FIGN: variants seen among roughly 807,000 people sequenced by gnomAD.
The protein encoded by FIGN is fidgetin.
Under a neutral mutation model 51.3 loss-of-function variants are expected in FIGN, and 11 were observed. The observed-to-expected ratio is 0.21, with a 90% CI of 0.13 to 0.35. The LOEUF is 0.35. Ranked by LOEUF, FIGN falls within the 10% of genes least tolerant of loss-of-function variation. The pLI, the probability that FIGN is intolerant of heterozygous loss-of-function variation, is 1.00. For missense variants in FIGN, 857 were observed against 943.6 expected (o/e 0.91, Z 1.20); for synonymous variants, 407 against 363.2 (o/e 1.12, Z -1.37).
intron 2 of FIGN, among the ~76,000 whole-genome samples, chr2:163,726,346 T>C (rs1237048295): frequency 6.6e-6 from 1 of 152,086 alleles, no homozygotes; most frequent in African/African-American, 2.4e-5. Flanking sequence ...GCAGGGGGGA[T>C]AAGACCCACA....
At chr2:163,640,857 T>C (rs1445329621) in intron 2 of FIGN, among the ~76,000 whole-genome samples, 1 of 152,226 alleles carries the variant, frequency 6.6e-6, no homozygotes, top group East Asian at 1.9e-4. Context: ...CTATGAATCC[T>C]GGCCCTTTGA....
chr2:163,683,447 C>T (rs1684097154), intron 2 of FIGN, among the ~76,000 whole-genome samples: 1 of 152,110 alleles, frequency 6.6e-6, no homozygotes, highest in South Asian at 2.1e-4. Flanking sequence ...GCTATAAAGG[C>T]CTGGGCTAGG....
intron 2 of FIGN, among the ~76,000 whole-genome samples, chr2:163,725,037 A>G (rs1684818417): frequency 6.6e-6 from 1 of 152,110 alleles, no homozygotes; most frequent in African/African-American, 2.4e-5. Context: ...CTTTGCCTCA[A>G]TGACTTTCTC....
intron 2 of FIGN, among the ~76,000 whole-genome samples, chr2:163,649,673 T>A (rs1381030266): frequency 6.6e-6 from 1 of 152,128 alleles, no homozygotes; most frequent in African/African-American, 2.4e-5. Context: ...AGGCAAATAA[T>A]CATGAGAAAT....
chr2:163,691,926 C>G (rs1271548643), intron 2 of FIGN, among the ~76,000 whole-genome samples: 1 of 152,126 alleles, frequency 6.6e-6, no homozygotes, highest in Admixed American at 6.6e-5. Context: ...AGGATTCTCT[C>G]CAAGAAGTGA....
intron 2 of FIGN, among the ~76,000 whole-genome samples, chr2:163,715,029 A>G (rs1369459657): frequency 6.6e-6 from 1 of 152,232 alleles, no homozygotes; most frequent in Non-Finnish European, 1.5e-5. Flanking sequence ...AACAACAATA[A>G]ACAAACAAAA....
chr2:163,617,835 T>A (rs957843192), intron 2 of FIGN, among the ~76,000 whole-genome samples: 10 of 152,182 alleles, frequency 6.6e-5, no homozygotes, highest in African/African-American at 2.4e-4. Context: ...CTATTAAGAT[T>A]ACCTGAATAA....
chr2:163,694,306 A>G (rs961454734), intron 2 of FIGN, among the ~76,000 whole-genome samples: 3 of 152,218 alleles, frequency 2.0e-5, no homozygotes, highest in Admixed American at 2.0e-4. Flanking sequence ...TCTATGGAAC[A>G]CTGGATTATA....
At position 163,611,090 on chromosome 2, in the gene FIGN, G is replaced by C. The variant is rs1285452631; in HGVS notation, c.742C>G (p.Pro248Ala). The C allele has an allele frequency of 6.2e-7, 1 of 1,614,126 alleles. No homozygotes were observed. Among genetic ancestry groups the C allele is most frequent in the South Asian group, 1.1e-5 (1 of 91,086 alleles). Residue 248 changes from proline (P) to alanine (A), a missense_variant, in exon 3 of 3, where the codon CCG becomes GCG. This residue lies in a region of FIGN where 799 missense variants were observed against 849.5 expected (regional missense o/e 0.94). Coordinates refer to ENST00000333129, the MANE Select transcript of FIGN (RefSeq NM_018086.4). Reference protein sequence around the residue: ...GTSNLSSYSYPSASYPPQTAV... With the variant: ...GTSNLSSYSYASASYPPQTAV... ...GTCTGAGGAGGATAGCTAGCAGACG[G>C]ATAGCTGTAACTGGAGAGGTTAGAA...
chr2:163,667,776 G>A (rs530536912), intron 2 of FIGN, among the ~76,000 whole-genome samples: 6 of 152,188 alleles, frequency 3.9e-5, no homozygotes, highest in South Asian at 2.1e-4. Context: ...CCACTGCTGC[G>A]TTCTTCACAC....
intron 2 of FIGN, among the ~76,000 whole-genome samples, chr2:163,634,260 T>C (rs898537543): frequency 6.6e-6 from 1 of 152,206 alleles, no homozygotes; most frequent in Non-Finnish European, 1.5e-5. Flanking sequence ...CTATGACTTC[T>C]ATTCAAGTCA....
Position 163,609,420 on chromosome 2 carries a change from G to A in FIGN, c.*132C>T. The A allele has an allele frequency of 1.3e-6, 1 of 751,692 alleles. No homozygotes were observed. Among genetic ancestry groups the A allele is most frequent in the Non-Finnish European group, 2.1e-6 (1 of 477,306 alleles). 46.6% of individuals were successfully genotyped at this position (751,692 alleles called of 1,614,324 possible). On this transcript the variant is annotated 3_prime_UTR_variant, in exon 3 of 3. Coordinates refer to ENST00000333129, the MANE Select transcript of FIGN (RefSeq NM_018086.4). Reference sequence around the variant, plus strand: ...CCAAATCTACCCTGACTCTAAAGATGCAACTTAATCGTCATCTTCCCCAGT... The same window carrying A: ...CCAAATCTACCCTGACTCTAAAGATACAACTTAATCGTCATCTTCCCCAGT...
intron 2 of FIGN, among the ~76,000 whole-genome samples, chr2:163,699,080 A>G (rs1684367565): frequency 1.3e-5 from 2 of 152,084 alleles, no homozygotes; most frequent in Admixed American, 1.3e-4. Context: ...ACCACAAGGA[A>G]CCCTACAGGA....
At chr2:163,729,050 T>G (rs986908048) in intron 2 of FIGN, among the ~76,000 whole-genome samples, 18 of 152,286 alleles carry the variant, frequency 1.2e-4, no homozygotes, top group African/African-American at 4.3e-4. Context: ...GAATAATATT[T>G]CATCATGAAC....
chr2:163,663,662 C>A (rs1363354437), intron 2 of FIGN, among the ~76,000 whole-genome samples: 1 of 151,786 alleles, frequency 6.6e-6, no homozygotes, highest in African/African-American at 2.4e-5. Context: ...GTGGGCAGAT[C>A]ACCTGAGGTC....
intron 2 of FIGN, among the ~76,000 whole-genome samples, chr2:163,624,426 AAG>A (rs2105307133): frequency 6.6e-6 from 1 of 151,694 alleles, no homozygotes; most frequent in African/African-American, 2.4e-5. Context: ...GAAGAAGAGA[AAG>A]AAAAAAAAAA....
chr2:163,731,966 A>G (rs1428011112), intron 2 of FIGN, among the ~76,000 whole-genome samples: 1 of 152,114 alleles, frequency 6.6e-6, no homozygotes, highest in Admixed American at 6.5e-5. Flanking sequence ...ATAGACCCAC[A>G]TGAAATAACA....
At chr2:163,627,338 G>T (rs1559000806) in intron 2 of FIGN, among the ~76,000 whole-genome samples, 1 of 152,126 alleles carries the variant, frequency 6.6e-6, no homozygotes, top group Non-Finnish European at 1.5e-5. Flanking sequence ...TTAATTTGCA[G>T]TTTTAATTTC....
chr2:163,708,139 T>C (rs1684530814), intron 2 of FIGN, among the ~76,000 whole-genome samples: 1 of 152,120 alleles, frequency 6.6e-6, no homozygotes, highest in Non-Finnish European at 1.5e-5. Flanking sequence ...TTTGATAGAA[T>C]AGTTAGAAAA....
Sources: allele counts gnomAD v4.1 joint callset (sites outside exome capture counted in the v4.1 genomes callset), GRCh38; gene constraint gnomAD v4.1.1; regional missense constraint gnomAD v4.1.1; transcripts MANE v1.5; gene names NCBI Gene and HGNC (gene_info 2026-07-23, HGNC 2026-07-21).